KHDRBS2: variants seen among roughly 807,000 people sequenced by gnomAD.
KHDRBS2 encodes KH domain-containing, RNA-binding, signal transduction-associated protein 2.
A neutral mutation model predicts 44.3 loss-of-function variants in KHDRBS2; 26 were observed. The observed-to-expected ratio is 0.59, with a 90% CI of 0.43 to 0.81. KHDRBS2 has a LOEUF of 0.81. KHDRBS2 is among the 40% of genes least tolerant of loss of function. KHDRBS2 has a pLI of 0.00. For synonymous variants in KHDRBS2, 194 were observed against 151.1 expected (o/e 1.28, Z -2.08); for missense variants, 476 against 433.1 (o/e 1.10, Z -0.88).
chr6:61,946,427 G>A (rs1583662729), intron 4 of KHDRBS2, among the ~76,000 whole-genome samples: 1 of 152,176 alleles, frequency 6.6e-6, no homozygotes, highest in East Asian at 1.9e-4. Flanking sequence ...CTGTGTACAG[G>A]AGAGTGCTCT....
At chr6:62,091,376 T>C (rs182761639) in intron 2 of KHDRBS2, among the ~76,000 whole-genome samples, 3 of 152,312 alleles carry the variant, frequency 2.0e-5, no homozygotes, top group South Asian at 2.1e-4. Flanking sequence ...ATTACTCTGT[T>C]GCTATTCATA....
chr6:61,558,701 A>G, the KHDRBS2 span, among the ~76,000 whole-genome samples: 46 of 152,206 alleles, frequency 3.0e-4, no homozygotes, highest in African/African-American at 1.0e-3. Context: ...GTATATTTTT[A>G]ATTTCCATTT....
At chr6:62,158,165 C>T (rs772081444) in intron 2 of KHDRBS2, among the ~76,000 whole-genome samples, 3 of 152,136 alleles carry the variant, frequency 2.0e-5, no homozygotes, top group Non-Finnish European at 2.9e-5. Context: ...CTAAAGAACT[C>T]TTAGATAAAT....
chr6:61,623,354 T>G, the KHDRBS2 span, among the ~76,000 whole-genome samples: 1 of 152,132 alleles, frequency 6.6e-6, no homozygotes, highest in Non-Finnish European at 1.5e-5. Context: ...TGGGTAAGTA[T>G]GCAGTATGGT....
intron 7 of KHDRBS2, among the ~76,000 whole-genome samples, chr6:61,712,509 A>G (rs1290641703): frequency 1.3e-5 from 2 of 151,876 alleles, no homozygotes; most frequent in Admixed American, 6.6e-5. Context: ...TGAGGTGTTT[A>G]AAAAATAGAA....
the KHDRBS2 span, among the ~76,000 whole-genome samples, chr6:61,630,745 G>T: frequency 2.6e-5 from 4 of 152,304 alleles, no homozygotes; most frequent in East Asian, 7.7e-4. Flanking sequence ...ACAGGGGAAA[G>T]ATTTCATCAC....
At chr6:61,665,127 C>T in the KHDRBS2 span, among the ~76,000 whole-genome samples, 2 of 151,348 alleles carry the variant, frequency 1.3e-5, no homozygotes, top group African/African-American at 2.4e-5. Context: ...ATTATAAATT[C>T]TAATTTTACT....
At chr6:61,904,121 C>A (rs542026651) in intron 4 of KHDRBS2, among the ~76,000 whole-genome samples, 25 of 152,186 alleles carry the variant, frequency 1.6e-4, no homozygotes, top group Non-Finnish European at 3.1e-4. Context: ...AGCCTCTCTC[C>A]AGCCCTGCCT....
intron 6 of KHDRBS2, among the ~76,000 whole-genome samples, chr6:61,770,212 T>G (rs1734849896): frequency 6.6e-6 from 1 of 151,670 alleles, no homozygotes; most frequent in African/African-American, 2.4e-5. Flanking sequence ...AGACCAAAGG[T>G]AGATAAAACC....
intron 1 of KHDRBS2, among the ~76,000 whole-genome samples, chr6:62,187,843 G>T (rs1823759831): frequency 6.6e-6 from 1 of 152,014 alleles, no homozygotes; most frequent in Non-Finnish European, 1.5e-5. Context: ...TTGTCCATTT[G>T]CATTGCTATA....
intron 7 of KHDRBS2, among the ~76,000 whole-genome samples, chr6:61,726,165 G>C (rs1773514134): frequency 6.6e-6 from 1 of 150,468 alleles, no homozygotes; most frequent in Non-Finnish European, 1.5e-5. Flanking sequence ...AATAAATTTG[G>C]TTCATCGCAT....
At chr6:61,865,525 C>A (rs1238841199) in intron 6 of KHDRBS2, among the ~76,000 whole-genome samples, 1 of 152,038 alleles carries the variant, frequency 6.6e-6, no homozygotes, top group African/African-American at 2.4e-5. Flanking sequence ...AGACCTCCCA[C>A]CATGATTCAA....
chr6:62,039,255 AACAC>A (rs142933011), intron 3 of KHDRBS2, among the ~76,000 whole-genome samples: 16 of 145,790 alleles, frequency 1.1e-4, no homozygotes, highest in Admixed American at 3.5e-4. Flanking sequence ...TACACAGGCA[AACAC>A]ACACACACAC....
At chr6:61,645,812 TA>T in the KHDRBS2 span, among the ~76,000 whole-genome samples, 4 of 152,176 alleles carry the variant, frequency 2.6e-5, no homozygotes, top group South Asian at 2.1e-4. Flanking sequence ...AATCACTTTT[TA>T]AAAATATAAC....
At chr6:61,887,116 T>C (rs147018879) in intron 6 of KHDRBS2, among the ~76,000 whole-genome samples, 2 of 152,230 alleles carry the variant, frequency 1.3e-5, no homozygotes, top group East Asian at 1.9e-4. Flanking sequence ...AGAGAATTTG[T>C]AGAGACAGAA....
At chr6:61,731,045 C>A (rs1774358971) in intron 7 of KHDRBS2, among the ~76,000 whole-genome samples, 1 of 152,096 alleles carries the variant, frequency 6.6e-6, no homozygotes, top group South Asian at 2.1e-4. Flanking sequence ...TTATTTTAGT[C>A]TATTCTAATT....
the KHDRBS2 span, among the ~76,000 whole-genome samples, chr6:61,612,289 G>C: frequency 6.6e-6 from 1 of 152,062 alleles, no homozygotes; most frequent in Non-Finnish European, 1.5e-5. Flanking sequence ...CACTGAACAT[G>C]GAAAGCTCAG....
chr6:61,610,114 T>C, the KHDRBS2 span, among the ~76,000 whole-genome samples: 1 of 151,950 alleles, frequency 6.6e-6, no homozygotes, highest in Non-Finnish European at 1.5e-5. Flanking sequence ...AGGTGGAGCT[T>C]GCAGTGAGCC....
chr6:62,131,721 G>C (rs1243850934), intron 2 of KHDRBS2, among the ~76,000 whole-genome samples: 1 of 152,184 alleles, frequency 6.6e-6, no homozygotes, highest in Non-Finnish European at 1.5e-5. Context: ...ATAGAAGCCT[G>C]TTGATGCAAC....
Sources: allele counts gnomAD v4.1 joint callset (sites outside exome capture counted in the v4.1 genomes callset), GRCh38; gene constraint gnomAD v4.1.1; transcripts MANE v1.5; gene names NCBI Gene and HGNC (gene_info 2026-07-23, HGNC 2026-07-21).